The following VILL variants were observed in gnomAD, a reference collection of about 807,000 sequenced individuals.
VILL encodes the protein villin-like protein.
Under a neutral mutation model 106.3 loss-of-function variants are expected in VILL, and 102 were observed. The observed-to-expected ratio is 0.96, with a 90% CI of 0.82 to 1.13. VILL has a LOEUF of 1.13. Ranked by LOEUF, VILL falls within the 50% of genes most tolerant of loss-of-function variation. The probability of loss-of-function intolerance (pLI) is 0.00; values close to 1 mark genes in which losing one functional copy is unlikely to be tolerated. For synonymous variants in VILL, 431 were observed against 440.3 expected (o/e 0.98, Z 0.27); for missense variants, 1,076 against 1,116.6 (o/e 0.96, Z 0.52).
intron 4 of VILL, among the ~76,000 whole-genome samples, chr3:37,994,910 T>C (rs572261388): frequency 3.8e-3 from 577 of 152,386 alleles, no homozygotes; most frequent in African/African-American, 0.012. Context: ...TTTATCCATG[T>C]TGTAGCATGT....
intron 1 of VILL, chr3:37,993,327 G>T: frequency 3.3e-6 from 1 of 301,040 alleles, no homozygotes; most frequent in Non-Finnish European, 6.3e-6. Context: ...AGCTGAAGCG[G>T]GAAGATCACT....
chr3:38,001,738 A>G lies in VILL; in HGVS notation c.1357A>G (p.Asn453Asp). ...QATADEIEAL[N>D]SNAEELDVMY... ...CACTGCGGATGAGATTGAGGCCCTG[A>G]ACAGCAACGCTGAGGAACTAGATGT... The change falls in exon 13 of 20, where the codon AAC (asparagine) becomes GAC (aspartate). Residue 453 changes from asparagine to aspartate, a missense_variant. Transcript: ENST00000383759. 1 of 1,614,282 alleles carries G rather than the reference A, an allele frequency of 6.2e-7. No individual in the cohort carries two copies.
chr3:38,005,800 G>A lies in VILL; in HGVS notation c.1959G>A (p.Leu653=), dbSNP rs751713263. ...TCCCCTCTGTGGCTCAGATCTTCCTGTGGCTTGGGGAAGCTGCAAGTGAGT... is the reference window on the plus strand; with the variant it reads ...TCCCCTCTGTGGCTCAGATCTTCCTATGGCTTGGGGAAGCTGCAAGTGAGT... ...MLLDTWQEIF[L]WLGEAASEWK... Residue 653 remains leucine, a synonymous_variant, in exon 17 of 20, where the codon CTG becomes CTA. Coordinates refer to ENST00000383759, the MANE Select transcript of VILL (RefSeq NM_015873.4). 1.3e-5 allele frequency: 21 copies of A among 1,609,980 alleles called. No individual in the cohort carries two copies. The highest frequency in any genetic ancestry group is 1.3e-5 in the African/African-American group (1 of 74,902).
chr3:37,999,217 G>A, intron 10 of VILL, 122 bp from the exon 11 acceptor site: 1 of 1,205,094 alleles, frequency 8.3e-7, no homozygotes, highest in Non-Finnish European at 1.1e-6. Context: ...GGAAAGGGGC[G>A]TGGGCTGCGG....
At chr3:37,995,616 C>T in intron 4 of VILL, 123 bp from the exon 5 acceptor site, 1 of 734,690 alleles carries the variant, frequency 1.4e-6, no homozygotes, top group Non-Finnish European at 2.3e-6. Flanking sequence ...CACACAGACT[C>T]CAGTGCATGT....
chr3:38,005,934 T>G lies in VILL; in HGVS notation c.2093T>G (p.Phe698Cys). The part of the protein sequence containing the change: ...LVKQGHEPPT[F>C]IGWFFTWDPY... Reference sequence around the variant, plus strand: ...AAGCAGGGCCATGAGCCTCCCACCTTCATTGGATGGTTCTTCACTTGGGAC... The same window carrying G: ...AAGCAGGGCCATGAGCCTCCCACCTGCATTGGATGGTTCTTCACTTGGGAC... The change falls in exon 17 of 20, where the codon TTC becomes TGC. Residue 698 changes from phenylalanine to cysteine, a missense_variant. Phe to Cys is a radical substitution (Grantham distance 205). Transcript: ENST00000383759. 1 of 1,613,868 alleles carries G rather than the reference T, an allele frequency of 6.2e-7. No homozygotes were observed. Among genetic ancestry groups the G allele is most frequent in the Non-Finnish European group, 8.5e-7 (1 of 1,179,822 alleles).
In VILL at chr3:38,004,291, G is replaced by A. The variant is rs141969498; in HGVS notation, c.1842G>A (p.Leu614=). 2 of 1,613,716 alleles carry A rather than the reference G, an allele frequency of 1.2e-6. No homozygotes were observed. Among genetic ancestry groups the A allele is most frequent in the African/African-American group, 1.3e-5 (1 of 74,948 alleles). The change falls in exon 16 of 20, where the codon CTG becomes CTA. Residue 614 remains leucine (L), a synonymous_variant. Coordinates refer to ENST00000383759, the MANE Select transcript of VILL (RefSeq NM_015873.4). ...AGGTCCCCAGCTTCCAGCCACGACT[G>A]TTTGAGTGCTCCAGCCACATGGGCT... ...PEEVPSFQPR[L]FECSSHMGCL...
upstream of VILL, among the ~76,000 whole-genome samples, chr3:37,988,432 G>A (rs1362928836): frequency 6.6e-6 from 1 of 152,206 alleles, no homozygotes; most frequent in Non-Finnish European, 1.5e-5. Flanking sequence ...GCAAGGGGCT[G>A]GGGGCAATGG....
chr3:38,006,335 C>T, intron 18 of VILL, 83 bp downstream of exon 18: 1 of 1,607,354 alleles, frequency 6.2e-7, no homozygotes, highest in Non-Finnish European at 8.5e-7. Context: ...AGTGCCAGGC[C>T]CTTGTAAGTG....
Position 38,007,161 on chromosome 3 carries a change from T to C in VILL, c.*106T>C. The C allele has an allele frequency of 2.1e-6, 2 of 942,112 alleles. No homozygotes were observed. Among genetic ancestry groups the C allele is most frequent in the Non-Finnish European group, 3.3e-6 (2 of 606,416 alleles). 58.4% of individuals were successfully genotyped at this position (942,112 alleles called of 1,614,324 possible). On this transcript the variant is annotated 3_prime_UTR_variant, in exon 20 of 20. Coordinates refer to ENST00000383759, the MANE Select transcript of VILL (RefSeq NM_015873.4). ...CAGAGGCTTTTGGTCATCCTCTGCGTGTCAGTAAAAGCAGGCAGCCCATAC... is the reference window on the plus strand; with the variant it reads ...CAGAGGCTTTTGGTCATCCTCTGCGCGTCAGTAAAAGCAGGCAGCCCATAC...
intron 5 of VILL, among the ~76,000 whole-genome samples, chr3:37,996,666 TCTC>T (rs758819489): frequency 6.6e-6 from 1 of 152,152 alleles, no homozygotes; most frequent in Non-Finnish European, 1.5e-5. Context: ...GCCCCATGTT[TCTC>T]CTATTATCCT....
chr3:38,000,925 C>T (rs976993700), intron 11 of VILL: 13 of 456,856 alleles, frequency 2.8e-5, no homozygotes, highest in South Asian at 1.4e-4. Context: ...AACACAGGGC[C>T]TACCTGGGAT....
intron 11 of VILL, 48 bp downstream of exon 11, chr3:37,999,487 G>T: frequency 7.1e-7 from 1 of 1,402,110 alleles, no homozygotes; most frequent in African/African-American, 1.5e-5. Context: ...ACGGAGGTAA[G>T]CTTTGCCTAC....
Position 37,995,753 on chromosome 3 carries a change from G to A in VILL, c.356G>A (p.Gly119Asp). The change falls in exon 5 of 20, where the codon GGC becomes GAC. Residue 119 changes from glycine to aspartate, a missense_variant. Coordinates refer to ENST00000383759, the MANE Select transcript of VILL (RefSeq NM_015873.4). ...TCCCACCTCAGCTACAGGAAGGGAG[G>A]CCTAGCATCTGACCTCAAGCATGTG... ...FRPGIIYRKG[G>D]LASDLKHVET... 6.2e-7 allele frequency: 1 copy of A among 1,613,782 alleles called. No individual in the cohort carries two copies. Among genetic ancestry groups the A allele is most frequent in the Non-Finnish European group, 8.5e-7 (1 of 1,179,752 alleles).
chr3:37,988,008 C>T (rs1401443914), upstream of VILL: 1 of 152,288 alleles, frequency 6.6e-6, no homozygotes, highest in African/African-American at 2.4e-5. Flanking sequence ...TCTTGGAGCA[C>T]CACGATGAGG....
At chr3:37,994,171 G>A (rs1699657442) in intron 3 of VILL, 90 bp from the exon 4 acceptor site, 1 of 1,493,250 alleles carries the variant, frequency 6.7e-7, no homozygotes, top group Non-Finnish European at 9.1e-7. Flanking sequence ...CCTGCCTAGC[G>A]TCTCCCCATG....
At position 37,997,570 on chromosome 3, in the gene VILL, C is replaced by T. The variant is rs201877478; in HGVS notation, c.649C>T (p.Pro217Ser). Reference protein sequence around the residue: ...IGVVDDEAKAPDLMQIMEAVL... With the variant: ...IGVVDDEAKASDLMQIMEAVL... ...TGTGGTGGATGATGAGGCCAAAGCC[C>T]CGGACCTCATGCAGATCATGGAGGC... Residue 217 changes from proline (P) to serine (S), a missense_variant, in exon 7 of 20, where the codon CCG becomes TCG. Physicochemically the swap from Pro to Ser is moderately conservative, Grantham distance 74. Coordinates refer to ENST00000383759, the MANE Select transcript of VILL (RefSeq NM_015873.4). The surrounding 1 kb of genome is among the most constrained non-coding windows in gnomAD (Gnocchi z 4.7). 2 of 1,614,090 alleles carry T rather than the reference C, an allele frequency of 1.2e-6. No individual in the cohort carries two copies. The highest frequency in any genetic ancestry group is 3.3e-5 in the Admixed American group (2 of 60,020).
intron 15 of VILL, 54 bp downstream of exon 15, chr3:38,003,367 A>G (rs1699856061): frequency 6.5e-7 from 1 of 1,527,202 alleles, no homozygotes; most frequent in South Asian, 1.2e-5. Flanking sequence ...TGAGGCCCAG[A>G]GAGGAGGGTG....
chr3:38,004,532 A>C (rs9843506), intron 16 of VILL, 133 bp downstream of exon 16: 271,681 of 1,191,784 alleles, frequency 0.23, 34,744 homozygotes, highest in African/African-American at 0.46. Flanking sequence ...GTCACTGAGC[A>C]ATTGCATTGC....
Sources: allele counts gnomAD v4.1 joint callset (sites outside exome capture counted in the v4.1 genomes callset), GRCh38; gene constraint gnomAD v4.1.1; non-coding constraint Gnocchi (gnomAD v3.1); transcripts MANE v1.5; gene names NCBI Gene and HGNC (gene_info 2026-07-23, HGNC 2026-07-21).